Variants in N4BP1 observed in about 807,000 individuals in gnomAD.
N4BP1 encodes the protein NEDD4-binding protein 1.
Under a neutral mutation model 70.9 loss-of-function variants are expected in N4BP1, and 21 were observed. The observed-to-expected ratio is 0.30, with a 90% confidence interval of 0.21 to 0.43. N4BP1 has a LOEUF of 0.43. N4BP1 is among the 20% of genes least tolerant of loss of function. N4BP1 has a pLI of 1.00. For synonymous variants in N4BP1, 387 were observed against 394.6 expected, an observed-to-expected ratio of 0.98 and a Z score of 0.23; for missense variants, 936 against 1,069.4, an observed-to-expected ratio of 0.88 and a Z score of 1.74.
intron 1 of N4BP1, among the ~76,000 whole-genome samples, chr16:48,574,519 C>T (rs1232082147): frequency 6.6e-6 from 1 of 152,162 alleles, no homozygotes; most frequent in East Asian, 1.9e-4. Flanking sequence ...AAATGTTCTC[C>T]ATACTATACA....
chr16:48,561,100 G>C lies in N4BP1; in HGVS notation c.1543C>G (p.Gln515Glu), dbSNP rs1963848785. The C allele has an allele frequency of 1.2e-6, 2 of 1,613,876 alleles. No homozygotes were observed. The highest frequency in any genetic ancestry group is 2.7e-5 in the African/African-American group (2 of 74,932). Reference sequence around the variant, plus strand: ...TCAGGAAAAAGTGGAACTCTGGGCTGGTGACTTGAAGCTCCCCTTGAAACA... The same window carrying C: ...TCAGGAAAAAGTGGAACTCTGGGCTCGTGACTTGAAGCTCCCCTTGAAACA... ...NFVSRGASSH[Q>E]PRVPLFPENG... Residue 515 changes from glutamine (Q) to glutamate (E), a missense_variant, in exon 2 of 7, where the codon CAG becomes GAG. Around this residue, in one of 4 missense-constraint regions of N4BP1, gnomAD observed 515 missense variants for 491.7 expected, o/e 1.05. Coordinates refer to ENST00000262384, the MANE Select transcript of N4BP1 (RefSeq NM_153029.4).
At chr16:48,596,479 C>T (rs1056185007) in intron 1 of N4BP1, among the ~76,000 whole-genome samples, 5 of 152,160 alleles carry the variant, frequency 3.3e-5, no homozygotes, top group African/African-American at 1.2e-4. Flanking sequence ...GAGAAAGCAG[C>T]CAGAGTGACT....
chr16:48,552,699 G>GAAAAAAAAAAAAAA (rs71134556), intron 3 of N4BP1, among the ~76,000 whole-genome samples: 1 of 18,504 alleles, frequency 5.4e-5, no homozygotes, highest in Non-Finnish European at 1.3e-4. Flanking sequence ...CTCCGTCTCA[G>GAAAAAAAAAAAAAA]AAAAAAAAAA....
Position 48,609,763 on chromosome 16 carries a change from G to A in N4BP1, c.198+12C>T, listed in dbSNP as rs1201549899. 1.5e-6 allele frequency: 2 copies of A among 1,352,104 alleles called. No homozygotes were observed. Among genetic ancestry groups the A allele is most frequent in the South Asian group, 1.7e-5 (1 of 58,544 alleles). 83.8% of individuals were successfully genotyped at this position (1,352,104 alleles called of 1,614,324 possible). Reference sequence around the variant, plus strand: ...GAGGCCGCGGGCGCGCGGGGGCGGCGGCCGGACTCACCTTGGCGCTGTGCA... The same window carrying A: ...GAGGCCGCGGGCGCGCGGGGGCGGCAGCCGGACTCACCTTGGCGCTGTGCA... On this transcript the variant is annotated intron_variant, in intron 1 of 6. Transcript: ENST00000262384.
intron 1 of N4BP1, among the ~76,000 whole-genome samples, chr16:48,597,261 G>A (rs997503365): frequency 3.3e-5 from 5 of 152,182 alleles, no homozygotes; most frequent in African/African-American, 1.2e-4. Flanking sequence ...AGGTGAACCC[G>A]TTGGGCGGTT....
intron 2 of N4BP1, among the ~76,000 whole-genome samples, chr16:48,557,998 C>T (rs1056428762): frequency 2.0e-5 from 3 of 152,058 alleles, no homozygotes; most frequent in African/African-American, 4.8e-5. Flanking sequence ...AAAATTCACA[C>T]GACTAAAATA....
At chr16:48,584,424 G>T (rs995353146) in intron 1 of N4BP1, among the ~76,000 whole-genome samples, 1 of 151,988 alleles carries the variant, frequency 6.6e-6, no homozygotes, top group Non-Finnish European at 1.5e-5. Context: ...CATTTTTCAC[G>T]GTATGAATGA....
At chr16:48,602,522 T>C (rs1358968778) in intron 1 of N4BP1, among the ~76,000 whole-genome samples, 2 of 152,098 alleles carry the variant, frequency 1.3e-5, no homozygotes. Context: ...TATTTCAACA[T>C]TCTGGTATAA....
At chr16:48,552,425 C>T (rs773910617) in intron 3 of N4BP1, among the ~76,000 whole-genome samples, 3 of 151,696 alleles carry the variant, frequency 2.0e-5, no homozygotes, top group Non-Finnish European at 4.4e-5. Flanking sequence ...TTCGGCAGGG[C>T]GTGGTGGCTC....
At chr16:48,601,700 G>GT (rs1232384708) in intron 1 of N4BP1, among the ~76,000 whole-genome samples, 3 of 121,782 alleles carry the variant, frequency 2.5e-5, no homozygotes, top group East Asian at 2.1e-4. Context: ...CTAAAAAAAG[G>GT]TTTTTTGTGG....
intron 5 of N4BP1, among the ~76,000 whole-genome samples, chr16:48,547,359 G>A (rs1963604360): frequency 2.0e-5 from 3 of 152,172 alleles, no homozygotes; most frequent in Admixed American, 6.5e-5. Context: ...AGTCCTAGAA[G>A]CCAGTGCCCA....
rs1431011413 is a variant in N4BP1, at chr16:48,539,173, A to G, written c.*3731T>C. 2 of 152,302 alleles carry G rather than the reference A, an allele frequency of 1.3e-5. No individual in the cohort carries two copies. Among genetic ancestry groups the G allele is most frequent in the African/African-American group, 4.8e-5 (2 of 41,456 alleles). 9.4% of individuals were successfully genotyped at this position (152,302 alleles called of 1,614,324 possible). A position where few individuals can be genotyped will look rare whatever the true frequency, so the allele number is the denominator to read the frequency against. ...GATGTGAACTTTGTGGTCTGGTCAA[A>G]CAGCCACTGCAGATCACTTCGCAGG... On this transcript the variant is annotated 3_prime_UTR_variant, in exon 7 of 7. Coordinates refer to ENST00000262384, the MANE Select transcript of N4BP1 (RefSeq NM_153029.4).
chr16:48,562,630 C>A (rs911680466), intron 1 of N4BP1, among the ~76,000 whole-genome samples, 186 bp from the exon 2 acceptor site: 1 of 152,154 alleles, frequency 6.6e-6, no homozygotes, highest in Admixed American at 6.5e-5. Context: ...CTTAAACCAT[C>A]TTTAGAGGAA....
At chr16:48,596,629 C>T (rs1408205685) in intron 1 of N4BP1, among the ~76,000 whole-genome samples, 2 of 152,192 alleles carry the variant, frequency 1.3e-5, no homozygotes, top group African/African-American at 4.8e-5. Flanking sequence ...TGACTGACTC[C>T]ATCTTGCTTC....
chr16:48,602,111 C>A (rs1466928205), intron 1 of N4BP1, among the ~76,000 whole-genome samples: 1 of 152,138 alleles, frequency 6.6e-6, no homozygotes, highest in Non-Finnish European at 1.5e-5. Flanking sequence ...GAACTCCCAA[C>A]TAACCAGGAG....
Position 48,540,913 on chromosome 16 carries a change from G to A in N4BP1, c.*1991C>T, listed in dbSNP as rs1963488714. 1 of 152,214 alleles carries A rather than the reference G, an allele frequency of 6.6e-6. No homozygotes were observed. The highest frequency in any genetic ancestry group is 1.5e-5 in the Non-Finnish European group (1 of 68,044). 9.4% of individuals were successfully genotyped at this position (152,214 alleles called of 1,614,324 possible). ...GGAATGATGAATTCCGTCTCATGCT[G>A]TAACTGATGAAGGCAACCAATGAGC... On this transcript the variant is annotated 3_prime_UTR_variant, in exon 7 of 7. Transcript: ENST00000262384.
intron 1 of N4BP1, among the ~76,000 whole-genome samples, chr16:48,603,206 C>T (rs575173618): frequency 2.0e-5 from 3 of 152,244 alleles, no homozygotes; most frequent in Admixed American, 2.0e-4. Flanking sequence ...TGTTCTTAAA[C>T]ACCCTTTTTC....
intron 1 of N4BP1, among the ~76,000 whole-genome samples, chr16:48,582,023 G>A (rs982966541): frequency 1.3e-5 from 2 of 152,108 alleles, no homozygotes; most frequent in Admixed American, 1.3e-4. Flanking sequence ...CCTACAGAAT[G>A]AGAGAAAATA....
intron 6 of N4BP1, among the ~76,000 whole-genome samples, chr16:48,545,289 G>C (rs569513555): frequency 6.6e-6 from 1 of 151,178 alleles, no homozygotes; most frequent in African/African-American, 2.4e-5. Flanking sequence ...CTACAAAAAG[G>C]CTGGGCGCAG....
Sources: gnomAD v4.1 joint callset for allele counts (sites outside exome capture counted in the v4.1 genomes callset) on GRCh38, gnomAD v4.1.1 for gene constraint, gnomAD v4.1.1 regional missense constraint, MANE v1.5 for transcripts, NCBI Gene and HGNC (gene_info 2026-07-23, HGNC 2026-07-21) for gene names.